Variants in LRMDA observed in about 807,000 individuals in gnomAD.
LRMDA encodes leucine-rich melanocyte differentiation-associated protein.
LRMDA carries 18 observed loss-of-function variants against 29.8 expected under a neutral mutation model. The ratio of observed to expected loss-of-function variants is 0.60; its 90% CI spans 0.42 to 0.90. LRMDA has a LOEUF of 0.90. LRMDA is among the 40% of genes least tolerant of loss of function. LRMDA has a pLI of 0.00. For synonymous variants in LRMDA, 125 were observed against 109.4 expected, an observed-to-expected ratio of 1.14 and a Z score of -0.89; for missense variants, 273 against 273.9, an observed-to-expected ratio of 1.00 and a Z score of 0.02.
At chr10:76,440,716 G>A (rs748058741) in intron 6 of LRMDA, among the ~76,000 whole-genome samples, 2 of 152,018 alleles carry the variant, frequency 1.3e-5, no homozygotes, top group Non-Finnish European at 2.9e-5. Flanking sequence ...GGCTGTACAC[G>A]GTAAAGATGG....
intron 2 of LRMDA, among the ~76,000 whole-genome samples, chr10:75,738,652 C>T (rs766121022): frequency 5.7e-4 from 87 of 152,238 alleles, no homozygotes; most frequent in Admixed American, 9.2e-4. Context: ...TAGGTTTGGT[C>T]CTAATGGGGT....
At chr10:76,342,203 C>T (rs1841050302) in intron 6 of LRMDA, among the ~76,000 whole-genome samples, 1 of 151,998 alleles carries the variant, frequency 6.6e-6, no homozygotes. Flanking sequence ...AAGCCCTCTA[C>T]CCAGAAATTT....
chr10:76,282,721 CTT>C (rs1318472298), intron 5 of LRMDA, among the ~76,000 whole-genome samples: 4 of 152,154 alleles, frequency 2.6e-5, no homozygotes, highest in Non-Finnish European at 5.9e-5. Flanking sequence ...GGTTTTGTCT[CTT>C]TTATATCCCC....
At chr10:75,434,137 G>T (rs1045730939) in intron 1 of LRMDA, among the ~76,000 whole-genome samples, 2 of 152,122 alleles carry the variant, frequency 1.3e-5, no homozygotes, top group Non-Finnish European at 2.9e-5. Context: ...AACGTAATAC[G>T]ATCGTAGACA....
chr10:75,759,893 A>G (rs568415399), intron 2 of LRMDA, among the ~76,000 whole-genome samples: 2 of 152,328 alleles, frequency 1.3e-5, no homozygotes, highest in African/African-American at 4.8e-5. Flanking sequence ...TAGAGTTGTA[A>G]TTGCTTAATG....
intron 2 of LRMDA, among the ~76,000 whole-genome samples, chr10:75,813,733 T>C (rs1290802398): frequency 6.6e-6 from 1 of 152,210 alleles, no homozygotes; most frequent in East Asian, 1.9e-4. Context: ...GATATCCAAA[T>C]TCCCTGATCG....
chr10:76,087,662 T>C (rs1454303973), intron 5 of LRMDA, among the ~76,000 whole-genome samples: 1 of 152,052 alleles, frequency 6.6e-6, no homozygotes, highest in Admixed American at 6.5e-5. Context: ...AAGGGCTTCA[T>C]GTGGAAGAGG....
chr10:75,528,624 A>T lies in LRMDA; in HGVS notation c.131+90130A>T, dbSNP rs1047487981. On this transcript the variant is annotated intron_variant, in intron 2 of 6. Transcript: ENST00000611255. Reference sequence around the variant, plus strand: ...AGATCACCTTATTGTGAAACTCCAGATGACAAGCCCTTTCCATTCCAGCCA... The same window carrying T: ...AGATCACCTTATTGTGAAACTCCAGTTGACAAGCCCTTTCCATTCCAGCCA... Among the ~76,000 whole-genome samples, 3 of 152,192 alleles carry T rather than the reference A, an allele frequency of 2.0e-5. No individual in the cohort carries two copies. In the East Asian group the frequency reaches 5.8e-4, roughly 29 times the overall value.
chr10:76,281,994 C>A (rs1045158850), intron 5 of LRMDA, among the ~76,000 whole-genome samples: 1 of 152,140 alleles, frequency 6.6e-6, no homozygotes, highest in Non-Finnish European at 1.5e-5. Flanking sequence ...GACAGATTTG[C>A]ATTTTTTGGT....
At chr10:76,363,409 A>G (rs1053499461) in intron 6 of LRMDA, among the ~76,000 whole-genome samples, 9 of 152,184 alleles carry the variant, frequency 5.9e-5, no homozygotes, top group Admixed American at 5.9e-4. Flanking sequence ...TATCATCTCT[A>G]TAGAAAATTC....
intron 2 of LRMDA, among the ~76,000 whole-genome samples, chr10:75,689,171 A>C (rs1167164567): frequency 1.3e-5 from 2 of 152,218 alleles, no homozygotes; most frequent in Non-Finnish European, 2.9e-5. Context: ...TTCTCTTCAG[A>C]AGCTCAGCCT....
chr10:75,449,080 A>C (rs1844428161), intron 2 of LRMDA, among the ~76,000 whole-genome samples: 2 of 147,282 alleles, frequency 1.4e-5, no homozygotes, highest in Non-Finnish European at 3.0e-5. Context: ...TGAACCCAGG[A>C]GGCGGAAGTT....
chr10:75,605,808 C>T (rs1026158263), intron 2 of LRMDA, among the ~76,000 whole-genome samples: 1 of 152,124 alleles, frequency 6.6e-6, no homozygotes, highest in East Asian at 1.9e-4. Context: ...GTGATGGCAG[C>T]GGCTGGGAAC....
chr10:75,783,453 C>A, intron 2 of LRMDA, among the ~76,000 whole-genome samples: 1 of 139,316 alleles, frequency 7.2e-6, no homozygotes, highest in African/African-American at 2.7e-5. Context: ...ATTTAACAAC[C>A]AGTAAATCTG....
chr10:75,846,177 TTGTGTGTG>T (rs59549881), intron 2 of LRMDA, among the ~76,000 whole-genome samples: 4,285 of 143,058 alleles, frequency 0.03, 162 homozygotes, highest in African/African-American at 0.089. Context: ...GTGTGTGTGT[TTGTGTGTG>T]TGTGTGTGTG....
chr10:76,237,863 C>G (rs1852184366), intron 5 of LRMDA, among the ~76,000 whole-genome samples: 1 of 135,614 alleles, frequency 7.4e-6, no homozygotes, highest in Non-Finnish European at 1.5e-5. Context: ...GTGATCTTGG[C>G]TCACTGCAAC....
intron 5 of LRMDA, among the ~76,000 whole-genome samples, chr10:76,153,508 G>A (rs1850484513): frequency 6.6e-6 from 1 of 152,098 alleles, no homozygotes; most frequent in Non-Finnish European, 1.5e-5. Context: ...GAGGTAGGGT[G>A]GGTCCAAATG....
chr10:75,791,078 A>ACTGT (rs1843557392), intron 2 of LRMDA, among the ~76,000 whole-genome samples: 1 of 152,240 alleles, frequency 6.6e-6, no homozygotes, highest in Admixed American at 6.5e-5. Flanking sequence ...GTGTGGGGAC[A>ACTGT]GAGCATCCCA....
intron 2 of LRMDA, among the ~76,000 whole-genome samples, chr10:75,697,850 T>TGTGTGTGTGTGTGC (rs10664076): frequency 1.0e-3 from 155 of 151,702 alleles, no homozygotes; most frequent in African/African-American, 3.7e-3. Flanking sequence ...TGTGTGTGTG[T>TGTGTGTGTGTGTGC]GCGTGTGTGT....
Sources: allele counts gnomAD v4.1 joint callset (sites outside exome capture counted in the v4.1 genomes callset), GRCh38; gene constraint gnomAD v4.1.1; transcripts MANE v1.5; gene names NCBI Gene and HGNC (gene_info 2026-07-23, HGNC 2026-07-21).